Variants in STXBP5L observed in about 807,000 individuals in gnomAD.
The protein encoded by STXBP5L is syntaxin-binding protein 5-like.
A neutral mutation model predicts 144.5 loss-of-function variants in STXBP5L; 65 were observed. The ratio of observed to expected loss-of-function variants is 0.45; its 90% CI spans 0.37 to 0.55. The LOEUF is 0.55. STXBP5L is among the 20% of genes least tolerant of loss of function. The pLI, the probability that STXBP5L is intolerant of heterozygous loss-of-function variation, is 0.00. For synonymous variants in STXBP5L, 505 were observed against 469.6 expected, an observed-to-expected ratio of 1.08 and a Z score of -0.97; for missense variants, 1,298 against 1,405.5, an observed-to-expected ratio of 0.92 and a Z score of 1.22.
chr3:121,370,207 AT>A (rs2045989912), intron 20 of STXBP5L, among the ~76,000 whole-genome samples: 1 of 152,182 alleles, frequency 6.6e-6, no homozygotes, highest in African/African-American at 2.4e-5. Context: ...TCTACTAAAA[AT>A]ACAAAAAAAA....
chr3:121,001,026 G>T (rs1943731002), intron 3 of STXBP5L, among the ~76,000 whole-genome samples: 1 of 152,174 alleles, frequency 6.6e-6, no homozygotes, highest in African/African-American at 2.4e-5. Flanking sequence ...AGTGTTTCTG[G>T]TCCTCTGGCA....
At chr3:121,071,634 C>A (rs1378989274) in intron 5 of STXBP5L, among the ~76,000 whole-genome samples, 2 of 152,194 alleles carry the variant, frequency 1.3e-5, no homozygotes, top group Non-Finnish European at 2.9e-5. Context: ...TGGGGACCAT[C>A]CCATAAAGGC....
At chr3:121,095,769 G>A (rs562177951) in intron 5 of STXBP5L, among the ~76,000 whole-genome samples, 1 of 149,350 alleles carries the variant, frequency 6.7e-6, no homozygotes, top group Admixed American at 6.6e-5. Context: ...ATCGTCTGAA[G>A]CCTTCTTCTC....
chr3:121,348,936 GT>G (rs1273709735), intron 20 of STXBP5L, among the ~76,000 whole-genome samples: 1 of 151,948 alleles, frequency 6.6e-6, no homozygotes, highest in Non-Finnish European at 1.5e-5. Context: ...TTTTTGAAGG[GT>G]TTTTTGTGTG....
At chr3:120,938,459 A>T (rs1710383718) in intron 2 of STXBP5L, among the ~76,000 whole-genome samples, 1 of 152,214 alleles carries the variant, frequency 6.6e-6, no homozygotes, top group Non-Finnish European at 1.5e-5. Flanking sequence ...GAAAGTTAGC[A>T]TATTTTTAAA....
intron 2 of STXBP5L, among the ~76,000 whole-genome samples, chr3:120,936,544 C>T (rs1260175173): frequency 1.3e-5 from 2 of 151,780 alleles, no homozygotes; most frequent in Non-Finnish European, 2.9e-5. Flanking sequence ...TTTTCTGTGT[C>T]CTTGTTTTTG....
At chr3:121,276,271 A>G (rs1448457194) in intron 18 of STXBP5L, among the ~76,000 whole-genome samples, 1 of 152,022 alleles carries the variant, frequency 6.6e-6, no homozygotes, top group Non-Finnish European at 1.5e-5. Flanking sequence ...ATATTTTAAT[A>G]ACTTTACAAC....
rs551810240 is a variant in STXBP5L, at chr3:121,084,842, G to A, written c.471-30083G>A. Among the ~76,000 whole-genome samples the A allele has an allele frequency of 4.6e-5, 7 of 152,210 alleles. No individual in the cohort carries two copies. In the South Asian group the frequency reaches 1.0e-3, roughly 23 times the overall value. On this transcript the variant is annotated intron_variant, in intron 5 of 26. Coordinates refer to ENST00000471454, the MANE Select transcript of STXBP5L (RefSeq NM_001308330.2). ...TTACATTCCCACCAGCAGAGTAAAA[G>A]CATTCCTATTTCTCCACAGTCTCGC...
At chr3:120,993,466 T>C (rs1943087354) in intron 3 of STXBP5L, among the ~76,000 whole-genome samples, 1 of 152,088 alleles carries the variant, frequency 6.6e-6, no homozygotes, top group Admixed American at 6.6e-5. Context: ...CTTTAAGCAT[T>C]TGGAGTTGAG....
chr3:121,039,116 C>G (rs1946964503), intron 3 of STXBP5L, among the ~76,000 whole-genome samples: 1 of 151,856 alleles, frequency 6.6e-6, no homozygotes, highest in Non-Finnish European at 1.5e-5. Flanking sequence ...ATTGGTATAG[C>G]TGGGTATAAA....
chr3:121,271,169 C>A (rs2050723857), intron 18 of STXBP5L, among the ~76,000 whole-genome samples: 1 of 152,162 alleles, frequency 6.6e-6, no homozygotes, highest in Admixed American at 6.5e-5. Flanking sequence ...GAGACCATAA[C>A]TCCCTATCCT....
chr3:120,915,158 T>C (rs1292241702), intron 2 of STXBP5L, among the ~76,000 whole-genome samples: 2 of 152,182 alleles, frequency 1.3e-5, no homozygotes, highest in Admixed American at 6.5e-5. Flanking sequence ...ACTTTTTGTA[T>C]TTCTCATACA....
chr3:121,115,836 G>T (rs1048593595), intron 6 of STXBP5L, among the ~76,000 whole-genome samples: 1 of 152,090 alleles, frequency 6.6e-6, no homozygotes. Flanking sequence ...AGCAAGAGGA[G>T]GAGTTAGGGG....
intron 3 of STXBP5L, among the ~76,000 whole-genome samples, chr3:121,025,305 A>G (rs887091872): frequency 1.3e-5 from 2 of 152,144 alleles, no homozygotes; most frequent in African/African-American, 4.8e-5. Context: ...CTTAGGATGT[A>G]CACAGTAGAT....
At chr3:120,991,447 G>T (rs1942860021) in intron 3 of STXBP5L, among the ~76,000 whole-genome samples, 1 of 151,912 alleles carries the variant, frequency 6.6e-6, no homozygotes, top group Non-Finnish European at 1.5e-5. Context: ...TCTAGAACTA[G>T]AAATACCATT....
chr3:121,318,436 T>C, intron 19 of STXBP5L, 39 bp from the exon 20 acceptor site: 1 of 1,489,812 alleles, frequency 6.7e-7, no homozygotes, highest in Non-Finnish European at 9.0e-7. Flanking sequence ...TACAAAATGC[T>C]AGCAAAATTT....
intron 18 of STXBP5L, among the ~76,000 whole-genome samples, chr3:121,268,000 C>T (rs574978257): frequency 9.2e-5 from 14 of 152,220 alleles, no homozygotes; most frequent in Admixed American, 7.9e-4. Context: ...ACAGTTGTGG[C>T]GATTCCTCAA....
chr3:121,382,197 G>A (rs1160913240), intron 22 of STXBP5L, among the ~76,000 whole-genome samples: 1 of 151,524 alleles, frequency 6.6e-6, no homozygotes, highest in African/African-American at 2.4e-5. Context: ...TCCTATATAA[G>A]AAATTTTCAG....
At chr3:121,250,140 T>C (rs1056246018) in intron 14 of STXBP5L, among the ~76,000 whole-genome samples, 1 of 152,034 alleles carries the variant, frequency 6.6e-6, no homozygotes, top group African/African-American at 2.4e-5. Context: ...GGAATATCGG[T>C]TTGTAATTTT....
Sources: allele counts gnomAD v4.1 joint callset (sites outside exome capture counted in the v4.1 genomes callset), GRCh38; gene constraint gnomAD v4.1.1; transcripts MANE v1.5; gene names NCBI Gene and HGNC (gene_info 2026-07-23, HGNC 2026-07-21).